Variants in VPS18 observed in about 807,000 individuals in gnomAD.
VPS18 encodes the protein VPS18 core subunit of CORVET and HOPS complexes.
In VPS18, 25 loss-of-function variants were observed where a neutral mutation model predicts 82.0. That is an observed-to-expected ratio of 0.30 (90% CI 0.22 to 0.43). The LOEUF (loss-of-function observed/expected upper bound fraction) is 0.43, where lower values mean the gene tolerates loss of function less well. Ranked by LOEUF, VPS18 falls within the 20% of genes least tolerant of loss-of-function variation. The pLI is 1.00. For missense variants in VPS18, 1,168 were observed against 1,311.1 expected, an observed-to-expected ratio of 0.89 and a Z score of 1.69; for synonymous variants, 523 against 543.0, an observed-to-expected ratio of 0.96 and a Z score of 0.51.
In VPS18 at chr15:40,899,131, C is replaced by G; in HGVS notation, c.326-13C>G. On this transcript the variant is annotated splice_polypyrimidine_tract_variant and intron_variant, in intron 3 of 4. Coordinates refer to ENST00000220509, the MANE Select transcript of VPS18 (RefSeq NM_020857.3). The surrounding 1 kb of genome is among the most constrained non-coding windows in gnomAD (Gnocchi z 4.4). Reference sequence around the variant, plus strand: ...GCAGCATCCACTGGGGCGCCATGCTCTCCCCACTCCAGGCTCTCACCTGCT... The same window carrying G: ...GCAGCATCCACTGGGGCGCCATGCTGTCCCCACTCCAGGCTCTCACCTGCT... The G allele has an allele frequency of 6.2e-7, 1 of 1,608,502 alleles. No individual in the cohort carries two copies. The highest frequency in any genetic ancestry group is 1.1e-5 in the South Asian group (1 of 90,744).
rs1382382873 is a variant in VPS18, at chr15:40,900,294, C to T, written c.1476C>T (p.Thr492=). The T allele has an allele frequency of 6.2e-7, 1 of 1,613,680 alleles. No individual in the cohort carries two copies. The highest frequency in any genetic ancestry group is 8.5e-7 in the Non-Finnish European group (1 of 1,180,032). ...PAERTQATLL[T]TWLTELYLSR... ...AACGTACCCAGGCCACACTGCTGAC[C>T]ACCTGGCTGACAGAGCTCTACCTGA... The change falls in exon 4 of 5, where the codon ACC becomes ACT. Residue 492 remains threonine, a synonymous_variant. Transcript: ENST00000220509. The surrounding 1 kb of genome is among the most constrained non-coding windows in gnomAD (Gnocchi z 5.4).
rs1341100409 is a variant in VPS18 at position 40,902,649 on chromosome 15, C to T, written c.2230C>T (p.Leu744=). 1.9e-6 allele frequency: 3 copies of T among 1,613,990 alleles called. No individual in the cohort carries two copies. The highest frequency in any genetic ancestry group is 2.5e-6 in the Non-Finnish European group (3 of 1,179,960). The change falls in exon 5 of 5, where the codon CTG becomes TTG. Residue 744 remains leucine, a synonymous_variant. Transcript: ENST00000220509. This position sits in a 1 kb window ranked among gnomAD's most constrained non-coding sequence, Gnocchi z 4.2. ...DVDLAKQCAD[L]PEEDEELRKK... ...GGACCTGGCCAAGCAGTGTGCAGAC[C>T]TGCCTGAGGAGGATGAGGAATTGCG...
In VPS18 at chr15:40,903,204, C is replaced by G. The variant is rs368564220; in HGVS notation, c.2785C>G (p.Arg929Gly). 1 of 1,610,742 alleles carries G rather than the reference C, an allele frequency of 6.2e-7. No individual in the cohort carries two copies. The highest frequency in any genetic ancestry group is 1.7e-5 in the Admixed American group (1 of 59,638). ...TGGGGCTGCCACGGCAGGGCCCAGC[C>G]GGGAACAGCTCAAGGCTGACCTGGA... Reference protein sequence around the residue: ...EGGAATAGPSREQLKADLDEL... With the variant: ...EGGAATAGPSGEQLKADLDEL... The change falls in exon 5 of 5, where the codon CGG (arginine) becomes GGG (glycine). Residue 929 changes from arginine to glycine, a missense_variant. Coordinates refer to ENST00000220509, the MANE Select transcript of VPS18 (RefSeq NM_020857.3).
rs146363281 is a variant in VPS18 at position 40,900,028 on chromosome 15, G to C, written c.1210G>C (p.Asp404His). 4.3e-6 allele frequency: 7 copies of C among 1,613,884 alleles called. No homozygotes were observed. The highest frequency in any genetic ancestry group is 1.3e-5 in the African/African-American group (1 of 74,942). Reference protein sequence around the residue: ...EARDVWRTYLDMNRFDLAKEY... With the variant: ...EARDVWRTYLHMNRFDLAKEY... ...CCGAGATGTCTGGCGCACCTATCTG[G>C]ACATGAACCGCTTCGATCTGGCCAA... Residue 404 changes from aspartate to histidine, a missense_variant, in exon 4 of 5, where the codon GAC (aspartate) becomes CAC (histidine). Around this residue, in one of 3 missense-constraint regions of VPS18, gnomAD observed 868 missense variants for 939.8 expected, o/e 0.92. Coordinates refer to ENST00000220509, the MANE Select transcript of VPS18 (RefSeq NM_020857.3). The surrounding 1 kb of genome is among the most constrained non-coding windows in gnomAD (Gnocchi z 5.4).
In VPS18 at chr15:40,896,384, A is replaced by G. The variant is rs578114959; in HGVS notation, c.233+305A>G. Reference sequence around the variant, plus strand: ...TGAGACCCCCGTCTCTACCAAAACAAATTTTTAAAAATTAGCTAGGTGTGA... The same window carrying G: ...TGAGACCCCCGTCTCTACCAAAACAGATTTTTAAAAATTAGCTAGGTGTGA... On this transcript the variant is annotated intron_variant, in intron 2 of 4. Transcript: ENST00000220509. Among the ~76,000 whole-genome samples the G allele has an allele frequency of 1.2e-3, 186 of 152,092 alleles. 1 individual carries two copies. The highest frequency in any genetic ancestry group is 4.3e-3 in the African/African-American group (179 of 41,488).
intron 1 of VPS18, 38 bp from the exon 2 acceptor site, chr15:40,895,900 C>T: frequency 6.2e-7 from 1 of 1,613,058 alleles, no homozygotes; most frequent in Non-Finnish European, 8.5e-7. Context: ...TCACCTGTCT[C>T]TTCCACAGCT....
chr15:40,896,026 T>C lies in VPS18; in HGVS notation c.180T>C (p.Leu60=), dbSNP rs762322331. Reference sequence around the variant, plus strand: ...CCCCTTCCGAGCGCATTACCAGTCTTGTCGTCTCCAGCAATCAGCTGTGCA... The same window carrying C: ...CCCCTTCCGAGCGCATTACCAGTCTCGTCGTCTCCAGCAATCAGCTGTGCA... The part of the protein sequence containing the change: ...DFTPSERITS[L]VVSSNQLCMS... Residue 60 remains leucine, a synonymous_variant, in exon 2 of 5, where the codon CTT becomes CTC. Transcript: ENST00000220509. The C allele has an allele frequency of 6.2e-7, 1 of 1,614,084 alleles. No individual in the cohort carries two copies. Among genetic ancestry groups the C allele is most frequent in the Non-Finnish European group, 8.5e-7 (1 of 1,180,054 alleles).
At position 40,899,204 on chromosome 15, in the gene VPS18, A is replaced by G; in HGVS notation, c.386A>G (p.Gln129Arg). Residue 129 changes from glutamine to arginine, a missense_variant, in exon 4 of 5, where the codon CAG (glutamine) becomes CGG (arginine). This residue lies in a region of VPS18 where 868 missense variants were observed against 939.8 expected (regional missense o/e 0.92). Transcript: ENST00000220509. The surrounding 1 kb of genome is among the most constrained non-coding windows in gnomAD (Gnocchi z 4.4). ...TEVLYVNRNGQKVRPLARWKG... is the reference protein window; with the variant it reads ...TEVLYVNRNGRKVRPLARWKG... ...GTCCTCTACGTGAACCGAAATGGACAGAAGGTACGGCCACTAGCACGCTGG... is the reference window on the plus strand; with the variant it reads ...GTCCTCTACGTGAACCGAAATGGACGGAAGGTACGGCCACTAGCACGCTGG... 6.2e-7 allele frequency: 1 copy of G among 1,614,210 alleles called. No individual in the cohort carries two copies. The highest frequency in any genetic ancestry group is 8.5e-7 in the Non-Finnish European group (1 of 1,180,034).
Position 40,894,606 on chromosome 15 carries a change from A to C in VPS18, c.-163A>C. ...TATCTCGCTGCATAAGGCAAGAGCA[A>C]GAGGATCCTCAGGATTTTAAAGAGG... On this transcript the variant is annotated 5_prime_UTR_variant, in exon 1 of 5. Coordinates refer to ENST00000220509, the MANE Select transcript of VPS18 (RefSeq NM_020857.3). The C allele has an allele frequency of 8.4e-6, 5 of 597,698 alleles. No individual in the cohort carries two copies. The highest frequency in any genetic ancestry group is 1.4e-5 in the Non-Finnish European group (5 of 352,088). 37.0% of individuals were successfully genotyped at this position (597,698 alleles called of 1,614,324 possible).
rs1459134669 is a variant in VPS18, at chr15:40,900,681, G to A, written c.1863G>A (p.Leu621=). ...VDAWIEMGSR[L]DARQLIPALV... is the part of the protein sequence containing the mutation. ...CCTGGATTGAGATGGGCAGCCGGCT[G>A]GATGCTCGTCAGCTCATTCCTGCCC... The change falls in exon 4 of 5, where the codon CTG becomes CTA. Residue 621 remains leucine, a synonymous_variant. Coordinates refer to ENST00000220509, the MANE Select transcript of VPS18 (RefSeq NM_020857.3). This position sits in a 1 kb window ranked among gnomAD's most constrained non-coding sequence, Gnocchi z 5.4. 6.2e-7 allele frequency: 1 copy of A among 1,614,202 alleles called. No homozygotes were observed. Among genetic ancestry groups the A allele is most frequent in the African/African-American group, 1.3e-5 (1 of 75,060 alleles).
chr15:40,903,190 C>A lies in VPS18; in HGVS notation c.2771C>A (p.Thr924Lys), dbSNP rs778420420. Residue 924 changes from threonine to lysine, a missense_variant, in exon 5 of 5, where the codon ACG (threonine) becomes AAG (lysine). By Grantham distance (78) the Thr-to-Lys change is moderately conservative. Transcript: ENST00000220509. ...AAGGAGGCCGAGGGTGGGGCTGCCA[C>A]GGCAGGGCCCAGCCGGGAACAGCTC... ...RAKEAEGGAA[T>K]AGPSREQLKA... The A allele has an allele frequency of 6.2e-7, 1 of 1,609,070 alleles. No homozygotes were observed. The highest frequency in any genetic ancestry group is 8.5e-7 in the Non-Finnish European group (1 of 1,177,684).
In VPS18 at chr15:40,903,155, T is replaced by C; in HGVS notation, c.2736T>C (p.Ser912=). ...LGAAPPPAKG[S]ARAKEAEGGA... ...CTGCTCCACCCCCAGCCAAGGGCTCTGCCCGGGCCAAGGAGGCCGAGGGTG... is the reference window on the plus strand; with the variant it reads ...CTGCTCCACCCCCAGCCAAGGGCTCCGCCCGGGCCAAGGAGGCCGAGGGTG... The change falls in exon 5 of 5, where the codon TCT becomes TCC. Residue 912 remains serine, a synonymous_variant. Coordinates refer to ENST00000220509, the MANE Select transcript of VPS18 (RefSeq NM_020857.3). 8 of 1,606,470 alleles carry C rather than the reference T, an allele frequency of 5.0e-6. No individual in the cohort carries two copies. The highest frequency in any genetic ancestry group is 6.8e-6 in the Non-Finnish European group (8 of 1,176,238).
rs1270556013 is a variant in VPS18, at chr15:40,900,293, C to A, written c.1475C>A (p.Thr492Asn). 6.2e-7 allele frequency: 1 copy of A among 1,613,786 alleles called. No individual in the cohort carries two copies. ...GAACGTACCCAGGCCACACTGCTGA[C>A]CACCTGGCTGACAGAGCTCTACCTG... Reference protein sequence around the residue: ...PAERTQATLLTTWLTELYLSR... With the variant: ...PAERTQATLLNTWLTELYLSR... Residue 492 changes from threonine (T) to asparagine (N), a missense_variant, in exon 4 of 5, where the codon ACC becomes AAC. Around this residue, in one of 3 missense-constraint regions of VPS18, gnomAD observed 868 missense variants for 939.8 expected, o/e 0.92. Coordinates refer to ENST00000220509, the MANE Select transcript of VPS18 (RefSeq NM_020857.3). This position sits in a 1 kb window ranked among gnomAD's most constrained non-coding sequence, Gnocchi z 5.4.
At position 40,903,159 on chromosome 15, in the gene VPS18, C is replaced by G. The variant is rs189855795; in HGVS notation, c.2740C>G (p.Arg914Gly). 3 of 1,605,572 alleles carry G rather than the reference C, an allele frequency of 1.9e-6. No homozygotes were observed. Among genetic ancestry groups the G allele is most frequent in the Middle Eastern group, 1.7e-4 (1 of 5,946 alleles). ...AAPPPAKGSA[R>G]AKEAEGGAAT... Reference sequence around the variant, plus strand: ...TCCACCCCCAGCCAAGGGCTCTGCCCGGGCCAAGGAGGCCGAGGGTGGGGC... The same window carrying G: ...TCCACCCCCAGCCAAGGGCTCTGCCGGGGCCAAGGAGGCCGAGGGTGGGGC... The change falls in exon 5 of 5, where the codon CGG becomes GGG. Residue 914 changes from arginine to glycine, a missense_variant. This residue lies in a region of VPS18 where 296 missense variants were observed against 354.0 expected (regional missense o/e 0.84). Transcript: ENST00000220509.
rs771994947 is a variant in VPS18, at chr15:40,899,608, A to T, written c.790A>T (p.Asn264Tyr). ...HPPPFREFPS[N>Y]LGYSELAFYT... The stretch of plus-strand genomic sequence containing the variant: ...ACCCCCATTCCGTGAGTTTCCCAGC[A>T]ACCTGGGCTACAGTGAGTTGGCCTT... Residue 264 changes from asparagine (N) to tyrosine (Y), a missense_variant, in exon 4 of 5, where the codon AAC becomes TAC. By Grantham distance (143) the Asn-to-Tyr change is moderately radical (BLOSUM62 -2). Transcript: ENST00000220509. This position sits in a 1 kb window ranked among gnomAD's most constrained non-coding sequence, Gnocchi z 4.4. The T allele has an allele frequency of 1.2e-6, 2 of 1,610,492 alleles. No homozygotes were observed. The highest frequency in any genetic ancestry group is 1.7e-6 in the Non-Finnish European group (2 of 1,180,010).
chr15:40,895,954 G>A lies in VPS18; in HGVS notation c.108G>A (p.Gln36=). The A allele has an allele frequency of 6.2e-7, 1 of 1,614,184 alleles. No homozygotes were observed. The highest frequency in any genetic ancestry group is 1.3e-5 in the African/African-American group (1 of 75,044). ...TACCTGTAGGGTATGTGAATGCCCA[G>A]CTGGAGAAGGAAGTGCCCATCTTCA... ...GIPHSGYVNA[Q]LEKEVPIFTK... is the part of the protein sequence containing the mutation. The change falls in exon 2 of 5, where the codon CAG becomes CAA. Residue 36 remains glutamine (Q), a synonymous_variant. Coordinates refer to ENST00000220509, the MANE Select transcript of VPS18 (RefSeq NM_020857.3).
chr15:40,894,843 G>A lies in VPS18; in HGVS notation c.75G>A (p.Val25=), dbSNP rs1464723376. The A allele has an allele frequency of 3.9e-6, 6 of 1,553,506 alleles. No individual in the cohort carries two copies. Among genetic ancestry groups the A allele is most frequent in the Non-Finnish European group, 5.2e-6 (6 of 1,148,800 alleles). ...TCTTGCAGCCCGGCTGCCCTAGCGT[G>A]GGCATCCCCCACTCGGGTAAGGAAG... is the stretch of plus-strand genomic sequence containing the variant. ...SAVLQPGCPS[V]GIPHSGYVNA... Residue 25 remains valine (V), a synonymous_variant, in exon 1 of 5, where the codon GTG becomes GTA. Coordinates refer to ENST00000220509, the MANE Select transcript of VPS18 (RefSeq NM_020857.3).
In VPS18 at chr15:40,900,321, C is replaced by A. The variant is rs199652896; in HGVS notation, c.1503C>A (p.Ser501Arg). Residue 501 changes from serine (S) to arginine (R), a missense_variant, in exon 4 of 5, where the codon AGC (serine) becomes AGA (arginine). Ser to Arg is a moderately radical substitution (Grantham distance 110). Transcript: ENST00000220509. This position sits in a 1 kb window ranked among gnomAD's most constrained non-coding sequence, Gnocchi z 5.4. Reference sequence around the variant, plus strand: ...CCTGGCTGACAGAGCTCTACCTGAGCCGGCTTGGGGCTCTGCAGGGCGACC... The same window carrying A: ...CCTGGCTGACAGAGCTCTACCTGAGACGGCTTGGGGCTCTGCAGGGCGACC... ...LTTWLTELYL[S>R]RLGALQGDPE... The A allele has an allele frequency of 5.0e-6, 8 of 1,613,760 alleles. No homozygotes were observed. The highest frequency in any genetic ancestry group is 6.8e-6 in the Non-Finnish European group (8 of 1,180,022).
chr15:40,896,667 C>T (rs536769956), intron 2 of VPS18, among the ~76,000 whole-genome samples: 16 of 151,540 alleles, frequency 1.1e-4, no homozygotes, highest in Non-Finnish European at 2.1e-4. Context: ...AAAAGTTAGC[C>T]GGGCGTGGTG....
Sources: allele counts gnomAD v4.1 joint callset (sites outside exome capture counted in the v4.1 genomes callset), GRCh38; gene constraint gnomAD v4.1.1; regional missense constraint gnomAD v4.1.1; non-coding constraint Gnocchi (gnomAD v3.1); transcripts MANE v1.5; gene names NCBI Gene and HGNC (gene_info 2026-07-23, HGNC 2026-07-21).